PCDH17: variants seen among roughly 807,000 people sequenced by gnomAD.
PCDH17 encodes the protein protocadherin-17.
In PCDH17, 21 loss-of-function variants were observed where a neutral mutation model predicts 67.7. The ratio of observed to expected loss-of-function variants is 0.31; its 90% CI spans 0.22 to 0.45. The LOEUF (loss-of-function observed/expected upper bound fraction) is 0.45. PCDH17 is among the 20% of genes least tolerant of loss of function. The pLI is 1.00. For synonymous variants in PCDH17, 701 were observed against 656.7 expected (o/e 1.07, Z -1.03); for missense variants, 1,471 against 1,564.8 (o/e 0.94, Z 1.01).
At chr13:57,689,123 A>C (rs889393323) in intron 3 of PCDH17, among the ~76,000 whole-genome samples, 2 of 152,060 alleles carry the variant, frequency 1.3e-5, no homozygotes, top group African/African-American at 4.8e-5. Context: ...GTGTTAATTA[A>C]AAATATTTCT....
chr13:57,720,436 A>T (rs1955863175), intron 3 of PCDH17, among the ~76,000 whole-genome samples: 1 of 152,014 alleles, frequency 6.6e-6, no homozygotes, highest in South Asian at 2.1e-4. Context: ...ACATTAATAT[A>T]TGTAAGCTTT....
intron 3 of PCDH17, among the ~76,000 whole-genome samples, chr13:57,693,638 A>G (rs1443408863): frequency 1.3e-5 from 2 of 150,720 alleles, no homozygotes; most frequent in Admixed American, 1.3e-4. Flanking sequence ...TAATTTAAAA[A>G]TGATTGCATG....
chr13:57,728,516 CTAA>C lies in PCDH17; in HGVS notation c.*3223_*3225del, dbSNP rs1955931088. ...CTTCTAAAAATTGCTTGCAGATGAG[CTAA>C]AAAAAAAAAAAAAAAAAAAAAGCAA... On this transcript the variant is annotated 3_prime_UTR_variant, in exon 4 of 4. Coordinates refer to ENST00000377918, the MANE Select transcript of PCDH17 (RefSeq NM_001040429.3). 2.1e-5 allele frequency: 1 copy of C among 48,008 alleles called. No homozygotes were observed. The highest frequency in any genetic ancestry group is 3.6e-5 in the Non-Finnish European group (1 of 27,632). The allele number at this position is 48,008 out of a possible 1,614,324, so 3.0% of individuals were successfully genotyped here.
intron 1 of PCDH17, among the ~76,000 whole-genome samples, chr13:57,651,307 G>T (rs1297672393): frequency 6.7e-6 from 1 of 150,020 alleles, no homozygotes; most frequent in African/African-American, 2.5e-5. Context: ...CCAATCAATG[G>T]ATATATTAAA....
At chr13:57,650,310 TG>T (rs1009117013) in intron 1 of PCDH17, among the ~76,000 whole-genome samples, 1 of 150,748 alleles carries the variant, frequency 6.6e-6, no homozygotes, top group Non-Finnish European at 1.5e-5. Context: ...ACCACGTGCC[TG>T]TAGGCCTGTG....
chr13:57,699,126 G>T (rs923609934), intron 3 of PCDH17, among the ~76,000 whole-genome samples: 1 of 151,756 alleles, frequency 6.6e-6, no homozygotes, highest in African/African-American at 2.4e-5. Context: ...ACATCTCGAT[G>T]GTTTCAGCTT....
At chr13:57,658,448 G>A (rs1282110505) in intron 1 of PCDH17, among the ~76,000 whole-genome samples, 1 of 152,078 alleles carries the variant, frequency 6.6e-6, no homozygotes, top group Admixed American at 6.6e-5. Flanking sequence ...ATTTCTGATC[G>A]ATTTTTAAAG....
chr13:57,634,159 G>A lies in PCDH17; in HGVS notation c.1613G>A (p.Arg538His). The A allele has an allele frequency of 6.2e-7, 1 of 1,613,612 alleles. No homozygotes were observed. Among genetic ancestry groups the A allele is most frequent in the Non-Finnish European group, 8.5e-7 (1 of 1,180,020 alleles). ...NPTNGAIYAL[R>H]SFNFEQTKAF... ...ACGAACGGGGCCATCTACGCCCTGC[G>A]CTCCTTTAACTTCGAGCAGACCAAG... The change falls in exon 1 of 4, where the codon CGC becomes CAC. Residue 538 changes from arginine to histidine, a missense_variant. Physicochemically the swap from Arg to His is conservative, Grantham distance 29. Transcript: ENST00000377918. The surrounding 1 kb of genome is among the most constrained non-coding windows in gnomAD (Gnocchi z 7.8).
In PCDH17 at chr13:57,727,383, AAAAC is replaced by A. The variant is rs1213684710; in HGVS notation, c.*2093_*2096del. ...CATAAAAATTCTTATATTTAAAACAAAAACAAAAGCAAAAACAAACATTGAATTA... is the reference window on the plus strand; with the variant it reads ...CATAAAAATTCTTATATTTAAAACAAAAAAGCAAAAACAAACATTGAATTA... On this transcript the variant is annotated 3_prime_UTR_variant, in exon 4 of 4. Transcript: ENST00000377918. 6.6e-6 allele frequency: 1 copy of A among 152,628 alleles called. No individual in the cohort carries two copies. Among genetic ancestry groups the A allele is most frequent in the Non-Finnish European group, 1.5e-5 (1 of 68,030 alleles). The allele number at this position is 152,628 out of a possible 1,614,324, so 9.5% of individuals were successfully genotyped here.
chr13:57,700,060 C>T (rs1955647834), intron 3 of PCDH17, among the ~76,000 whole-genome samples: 1 of 151,872 alleles, frequency 6.6e-6, no homozygotes, highest in African/African-American at 2.4e-5. Flanking sequence ...TCAAAATTGC[C>T]GTGGTTTGGT....
At chr13:57,675,178 C>T (rs969091092) in intron 3 of PCDH17, among the ~76,000 whole-genome samples, 6 of 151,824 alleles carry the variant, frequency 4.0e-5, no homozygotes, top group Admixed American at 6.6e-5. Flanking sequence ...TGAATGAAAG[C>T]GCTAAAATGT....
At chr13:57,693,315 C>CATATATAT (rs59643529) in intron 3 of PCDH17, among the ~76,000 whole-genome samples, 4,680 of 89,136 alleles carry the variant, frequency 0.053, 280 homozygotes, top group African/African-American at 0.098. Context: ...CACTTACATT[C>CATATATAT]ATATATATAT....
rs41292838 is a variant in PCDH17, at chr13:57,634,571, A to G, written c.2025A>G (p.Ala675=). The G allele has an allele frequency of 2.8e-5, 45 of 1,613,280 alleles. No homozygotes were observed. The highest frequency in any genetic ancestry group is 1.7e-4 in the Middle Eastern group (1 of 6,052). Residue 675 remains alanine, a synonymous_variant, in exon 1 of 4, where the codon GCA becomes GCG. Coordinates refer to ENST00000377918, the MANE Select transcript of PCDH17 (RefSeq NM_001040429.3). This position sits in a 1 kb window ranked among gnomAD's most constrained non-coding sequence, Gnocchi z 7.8. ...ACCACGGCAAGCCTACCCTGTCCGC[A>G]GTGGCCAAGCTCATCATCCGCTCGG... is the stretch of plus-strand genomic sequence containing the variant. The part of the protein sequence containing the change: ...VTDHGKPTLS[A]VAKLIIRSVS...
chr13:57,700,965 C>T (rs2138075196), intron 3 of PCDH17, among the ~76,000 whole-genome samples: 1 of 152,094 alleles, frequency 6.6e-6, no homozygotes, highest in Admixed American at 6.6e-5. Context: ...GAATTCGAGA[C>T]CAGCCTGGGC....
chr13:57,698,125 A>C (rs1955628538), intron 3 of PCDH17, among the ~76,000 whole-genome samples: 1 of 151,468 alleles, frequency 6.6e-6, no homozygotes, highest in South Asian at 2.1e-4. Flanking sequence ...CCTGGACCTA[A>C]TGTATTTTGT....
intron 3 of PCDH17, among the ~76,000 whole-genome samples, chr13:57,705,657 T>C (rs990234851): frequency 5.9e-5 from 9 of 152,134 alleles, no homozygotes; most frequent in African/African-American, 9.6e-5. Context: ...ACATCTGATA[T>C]ACTATACCTA....
In PCDH17 at chr13:57,632,702, G is replaced by A. The variant is rs1408387051; in HGVS notation, c.156G>A (p.Glu52=). Reference sequence around the variant, plus strand: ...TGCAGCCTGGGCTTCCGCCTGCAGAGCGCGGCGGCGGAGGGCGCAGCAAGT... The same window carrying A: ...TGCAGCCTGGGCTTCCGCCTGCAGAACGCGGCGGCGGAGGGCGCAGCAAGT... ...ARLQPGLPPA[E]RGGGGRSKSG... Residue 52 remains glutamate, a synonymous_variant, in exon 1 of 4, where the codon GAG becomes GAA. Transcript: ENST00000377918. The A allele has an allele frequency of 1.2e-6, 2 of 1,611,544 alleles. No individual in the cohort carries two copies. The highest frequency in any genetic ancestry group is 2.2e-5 in the East Asian group (1 of 44,838).
chr13:57,632,026 A>T lies in PCDH17; in HGVS notation c.-521A>T. On this transcript the variant is annotated 5_prime_UTR_variant, in exon 1 of 4. Transcript: ENST00000377918. ...GAGGCGAGCAGCAAGTAAGAATTTC[A>T]CTTTCGGATCTGCCTAGAGACACAC... The T allele has an allele frequency of 6.4e-6, 1 of 156,594 alleles. No individual in the cohort carries two copies. The allele number at this position is 156,594 out of a possible 1,614,324, so 9.7% of individuals were successfully genotyped here.
intron 3 of PCDH17, among the ~76,000 whole-genome samples, chr13:57,669,647 C>T (rs1165199586): frequency 3.3e-5 from 5 of 152,010 alleles, no homozygotes; most frequent in Non-Finnish European, 7.4e-5. Flanking sequence ...GTTGTTTAAC[C>T]TGCAAACTCT....
Sources: gnomAD v4.1 joint callset for allele counts (sites outside exome capture counted in the v4.1 genomes callset) on GRCh38, gnomAD v4.1.1 for gene constraint, Gnocchi (gnomAD v3.1) non-coding constraint, MANE v1.5 for transcripts, NCBI Gene and HGNC (gene_info 2026-07-23, HGNC 2026-07-21) for gene names.